Variants in STK32C observed in about 807,000 individuals in gnomAD.
STK32C encodes the protein serine/threonine kinase 32C.
STK32C carries 31 observed loss-of-function variants against 56.5 expected under a neutral mutation model. The ratio of observed to expected loss-of-function variants is 0.55; its 90% CI spans 0.41 to 0.74. The LOEUF (loss-of-function observed/expected upper bound fraction) is 0.74, where lower values mean the gene tolerates loss of function less well. Among genes scored for constraint, STK32C ranks in the 30% least tolerant of loss-of-function variants. STK32C has a pLI of 0.00. For synonymous variants in STK32C, 309 were observed against 289.4 expected (o/e 1.07, Z -0.69); for missense variants, 544 against 676.9 (o/e 0.80, Z 2.18).
intron 1 of STK32C, among the ~76,000 whole-genome samples, chr10:132,259,739 G>C (rs1027992582): frequency 2.0e-5 from 3 of 152,186 alleles, no homozygotes; most frequent in African/African-American, 4.8e-5. Flanking sequence ...CCCAGTCTCA[G>C]GTAGTTCTAG....
At chr10:132,295,471 G>A (rs1414090331) in intron 1 of STK32C, among the ~76,000 whole-genome samples, 1 of 152,344 alleles carries the variant, frequency 6.6e-6, no homozygotes, top group Non-Finnish European at 1.5e-5. Flanking sequence ...CTGGGACGGG[G>A]TGACCAAGAA....
intron 10 of STK32C, among the ~76,000 whole-genome samples, chr10:132,213,006 C>T (rs576886628): frequency 9.2e-5 from 14 of 152,196 alleles, no homozygotes; most frequent in African/African-American, 1.2e-4. Context: ...CCTGCGGCTG[C>T]GGTCTTATGA....
chr10:132,253,705 C>T (rs897055949), intron 1 of STK32C, among the ~76,000 whole-genome samples: 2 of 152,174 alleles, frequency 1.3e-5, no homozygotes, highest in South Asian at 2.1e-4. Context: ...CTGAGGGAGC[C>T]GCCCCTCCAC....
intron 1 of STK32C, among the ~76,000 whole-genome samples, chr10:132,292,522 C>A (rs1398044093): frequency 6.6e-6 from 1 of 152,134 alleles, no homozygotes; most frequent in African/African-American, 2.4e-5. Flanking sequence ...TAAACACATG[C>A]ATACATGCAC....
At chr10:132,240,302 G>A (rs965792521) in intron 2 of STK32C, among the ~76,000 whole-genome samples, 3 of 152,202 alleles carry the variant, frequency 2.0e-5, no homozygotes, top group African/African-American at 7.2e-5. Context: ...TCCTCCCGGC[G>A]TGGACTCAGA....
At chr10:132,240,886 G>A (rs1391005340) in intron 2 of STK32C, among the ~76,000 whole-genome samples, 2 of 152,068 alleles carry the variant, frequency 1.3e-5, no homozygotes, top group African/African-American at 4.8e-5. Flanking sequence ...ATCTGGGCAA[G>A]GGGCTCTCGA....
chr10:132,308,931 G>T, upstream of STK32C, among the ~76,000 whole-genome samples: 1 of 152,206 alleles, frequency 6.6e-6, no homozygotes, highest in Non-Finnish European at 1.5e-5. Context: ...TGTCACTGAA[G>T]AATCAGTTTT....
At chr10:132,222,113 C>T (rs1263072397) in intron 10 of STK32C, among the ~76,000 whole-genome samples, 3 of 149,584 alleles carry the variant, frequency 2.0e-5, no homozygotes, top group Non-Finnish European at 4.4e-5. Flanking sequence ...TCCCCACACA[C>T]ACACCTGATG....
At chr10:132,225,854 A>G in intron 4 of STK32C, 70 bp from the exon 5 acceptor site, 1 of 1,600,754 alleles carries the variant, frequency 6.2e-7, no homozygotes, top group Admixed American at 1.7e-5. Context: ...TCTCTGTCAC[A>G]ATCCCTGGAG....
intron 1 of STK32C, among the ~76,000 whole-genome samples, chr10:132,259,519 C>T (rs1057236526): frequency 1.1e-4 from 17 of 152,050 alleles, no homozygotes; most frequent in African/African-American, 3.9e-4. Flanking sequence ...CCTTGCTGTT[C>T]TCGTGATAGT....
upstream of STK32C, among the ~76,000 whole-genome samples, chr10:132,308,713 C>G (rs1429741869): frequency 6.6e-6 from 1 of 152,212 alleles, no homozygotes; most frequent in Non-Finnish European, 1.5e-5. Context: ...AGACCGCGTG[C>G]CCGAGTCGCC....
intron 1 of STK32C, among the ~76,000 whole-genome samples, chr10:132,288,855 T>C (rs902014219): frequency 6.6e-6 from 1 of 152,190 alleles, no homozygotes; most frequent in African/African-American, 2.4e-5. Context: ...GAAAAACTAA[T>C]TATTATTAAG....
chr10:132,260,480 C>T (rs1157078277), intron 1 of STK32C, among the ~76,000 whole-genome samples: 2 of 152,246 alleles, frequency 1.3e-5, no homozygotes, highest in African/African-American at 2.4e-5. Flanking sequence ...CCCTCCCATA[C>T]CCTCCCACCG....
intron 1 of STK32C, among the ~76,000 whole-genome samples, chr10:132,264,555 G>C (rs756072500): frequency 6.6e-6 from 1 of 152,210 alleles, no homozygotes; most frequent in Non-Finnish European, 1.5e-5. Flanking sequence ...TCAGGGAGAG[G>C]AGGGACCCGG....
chr10:132,284,814 G>A (rs79811329), intron 1 of STK32C, among the ~76,000 whole-genome samples: 9,793 of 47,694 alleles, frequency 0.21, 9 homozygotes, highest in African/African-American at 0.3. Context: ...ACATTCCCAC[G>A]TCTGCCCAAA....
chr10:132,317,258 AATGTAGGAG>A (rs1259934143), intron 1 of STK32C, among the ~76,000 whole-genome samples: 1 of 152,196 alleles, frequency 6.6e-6, no homozygotes, highest in Non-Finnish European at 1.5e-5. Context: ...CAGAGGCCTA[AATGTAGGAG>A]CTAACACTAT....
At chr10:132,279,146 T>C (rs1348791341) in intron 1 of STK32C, among the ~76,000 whole-genome samples, 1 of 152,160 alleles carries the variant, frequency 6.6e-6, no homozygotes, top group African/African-American at 2.4e-5. Flanking sequence ...CAGTAATGAT[T>C]GCAACTGTGA....
chr10:132,330,362 G>A, intron 1 of STK32C: 2 of 696,848 alleles, frequency 2.9e-6, no homozygotes, highest in Non-Finnish European at 2.7e-6. Flanking sequence ...GCATCGTGCT[G>A]AAATCTTCCA....
intron 1 of STK32C, among the ~76,000 whole-genome samples, chr10:132,282,076 G>A (rs999141523): frequency 6.6e-6 from 1 of 152,362 alleles, no homozygotes; most frequent in African/African-American, 2.4e-5. Flanking sequence ...CAGCCCAGCC[G>A]CTCCGGGGGT....
Sources: allele counts gnomAD v4.1 joint callset (sites outside exome capture counted in the v4.1 genomes callset), GRCh38; gene constraint gnomAD v4.1.1; transcripts MANE v1.5; gene names NCBI Gene and HGNC (gene_info 2026-07-23, HGNC 2026-07-21).